Variants in FGF13 observed in about 807,000 individuals in gnomAD.
FGF13 encodes fibroblast growth factor homologous factor 2.
A neutral mutation model predicts 19.5 loss-of-function variants in FGF13; 2 were observed. The ratio of observed to expected loss-of-function variants is 0.10; its 90% CI spans 0.04 to 0.32. The LOEUF is 0.32. FGF13 is among the 10% of genes least tolerant of loss of function. FGF13 has a pLI of 1.00. For missense variants in FGF13, 113 were observed against 192.7 expected, an observed-to-expected ratio of 0.59 and a Z score of 2.45; for synonymous variants, 72 against 76.9, an observed-to-expected ratio of 0.94 and a Z score of 0.33.
At chrX:138,962,203 T>C (rs1305048415) in intron 1 of FGF13, among the ~76,000 whole-genome samples, 1 of 112,286 alleles carries the variant, frequency 8.9e-6, no homozygotes, top group African/African-American at 3.2e-5. Flanking sequence ...CAGACTCTTC[T>C]CAAAAGAAGA....
intron 1 of FGF13, among the ~76,000 whole-genome samples, chrX:138,919,416 C>T (rs2091633651): frequency 3.6e-5 from 4 of 111,698 alleles, no homozygotes. Flanking sequence ...AATAGTTTGG[C>T]AGTGCCTTTC....
At chrX:138,940,246 T>C (rs2091751327) in intron 1 of FGF13, among the ~76,000 whole-genome samples, 1 of 111,905 alleles carries the variant, frequency 8.9e-6, no homozygotes, top group Non-Finnish European at 1.9e-5. Context: ...TTCAAAACTG[T>C]TCATGTCCTC....
At chrX:138,890,585 T>C (rs6654173) in intron 1 of FGF13, among the ~76,000 whole-genome samples, 9,839 of 111,758 alleles carry the variant, frequency 0.088, 1,091 homozygotes, top group African/African-American at 0.3. Context: ...TTATTATTCT[T>C]ATTTTACTGA....
At chrX:139,155,869 T>G (rs1431210269) in intron 1 of FGF13, among the ~76,000 whole-genome samples, 1 of 112,081 alleles carries the variant, frequency 8.9e-6, no homozygotes, top group Admixed American at 9.4e-5. Context: ...GAACTTGTCC[T>G]CCCCACTCTT....
intron 1 of FGF13, among the ~76,000 whole-genome samples, chrX:138,729,447 T>G (rs1055186238): frequency 1.3e-4 from 14 of 110,364 alleles, no homozygotes; most frequent in Non-Finnish European, 1.9e-4. Context: ...TTGGATACAT[T>G]TGAAAACAAA....
intron 3 of FGF13, among the ~76,000 whole-genome samples, chrX:138,771,766 C>T (rs1199164524): frequency 9.1e-6 from 1 of 109,741 alleles, no homozygotes; most frequent in Non-Finnish European, 1.9e-5. Context: ...GGAGGAAACT[C>T]AGTTTAGAAG....
At chrX:138,687,576 T>C (rs1387154487) in intron 3 of FGF13, among the ~76,000 whole-genome samples, 2 of 112,143 alleles carry the variant, frequency 1.8e-5, no homozygotes, top group Non-Finnish European at 3.8e-5. Context: ...ACAGCTATTA[T>C]GGAAGACAGT....
chrX:138,798,534 GT>G (rs2090798321), intron 3 of FGF13, among the ~76,000 whole-genome samples: 1 of 111,207 alleles, frequency 9.0e-6, no homozygotes, highest in African/African-American at 3.3e-5. Context: ...TTCTTTTTCT[GT>G]TGTGTCTCTG....
chrX:138,621,954 A>G lies in FGF13; in HGVS notation c.*10896T>C, dbSNP rs2089018909. On this transcript the variant is annotated 3_prime_UTR_variant, in exon 5 of 5. Coordinates refer to ENST00000315930, the MANE Select transcript of FGF13 (RefSeq NM_004114.5). ...GAATATTGAATCAGCAATTTTTTAA[A>G]AAAGAACTTCCCAACAAAGTAAAGC... 1 of 111,232 alleles carries G rather than the reference A, an allele frequency of 9.0e-6. No homozygotes were observed. Among genetic ancestry groups the G allele is most frequent in the Admixed American group, 9.6e-5 (1 of 10,420 alleles). The allele number at this position is 111,232 out of a possible 1,213,427, so 9.2% of individuals were successfully genotyped here. A position where few individuals can be genotyped will look rare whatever the true frequency, so the allele number is the denominator to read the frequency against.
At chrX:138,760,366 C>T (rs2090458906) in intron 3 of FGF13, among the ~76,000 whole-genome samples, 1 of 111,348 alleles carries the variant, frequency 9.0e-6, no homozygotes, top group Non-Finnish European at 1.9e-5. Context: ...GCTTAAAAAG[C>T]AGTTTCTTTC....
At chrX:139,148,412 T>C (rs1041463874) in intron 1 of FGF13, among the ~76,000 whole-genome samples, 3 of 110,636 alleles carry the variant, frequency 2.7e-5, no homozygotes, top group Admixed American at 9.7e-5. Context: ...GTGATGAGTA[T>C]AGAATATCCC....
intron 3 of FGF13, among the ~76,000 whole-genome samples, chrX:138,824,261 T>C (rs1293087873): frequency 8.9e-6 from 1 of 112,113 alleles, no homozygotes; most frequent in Non-Finnish European, 1.9e-5. Flanking sequence ...CCCTGGACTT[T>C]CATCTGCAAA....
At chrX:138,721,619 ACTT>A (rs2090148206) in intron 1 of FGF13, among the ~76,000 whole-genome samples, 2 of 110,249 alleles carry the variant, frequency 1.8e-5, no homozygotes, top group Admixed American at 1.9e-4. Flanking sequence ...ATGATTCCTT[ACTT>A]CTCTTTCCTA....
chrX:138,961,108 T>TC, intron 1 of FGF13, among the ~76,000 whole-genome samples: 1 of 111,547 alleles, frequency 9.0e-6, no homozygotes, highest in East Asian at 2.8e-4. Flanking sequence ...TTTAGAATTT[T>TC]CAGCTTTTCT....
At chrX:138,788,827 A>C (rs1211737122) in intron 3 of FGF13, among the ~76,000 whole-genome samples, 7 of 111,778 alleles carry the variant, frequency 6.3e-5, no homozygotes, top group Non-Finnish European at 9.4e-5. Flanking sequence ...AAATTTCCAA[A>C]TCTTTAAGTT....
intron 1 of FGF13, among the ~76,000 whole-genome samples, chrX:138,891,477 G>A (rs1471489502): frequency 9.0e-6 from 1 of 110,684 alleles, no homozygotes; most frequent in Non-Finnish European, 1.9e-5. Context: ...CATCACTGGG[G>A]CTCACCCCTC....
At chrX:139,183,830 G>A (rs2084259034) in intron 1 of FGF13, among the ~76,000 whole-genome samples, 1 of 111,791 alleles carries the variant, frequency 8.9e-6, no homozygotes, top group African/African-American at 3.3e-5. Flanking sequence ...GTAATCCACA[G>A]CAAATACTGA....
In FGF13 at chrX:138,630,973, G is replaced by A. The variant is rs2089109847; in HGVS notation, c.*1877C>T. The A allele has an allele frequency of 8.9e-6, 1 of 111,903 alleles. No individual in the cohort carries two copies. Among genetic ancestry groups the A allele is most frequent in the African/African-American group, 3.2e-5 (1 of 30,776 alleles). The allele number at this position is 111,903 out of a possible 1,213,427, so 9.2% of individuals were successfully genotyped here. ...AATTAAAAAGTGTTGAATAGCTCAT[G>A]TCATTTATTGAATAGTGTACTGGAA... On this transcript the variant is annotated 3_prime_UTR_variant, in exon 5 of 5. Transcript: ENST00000315930.
At chrX:138,693,701 G>A (rs1266505801) in intron 3 of FGF13, among the ~76,000 whole-genome samples, 3 of 111,661 alleles carry the variant, frequency 2.7e-5, no homozygotes, top group Admixed American at 9.5e-5. Context: ...TCAACAATTT[G>A]TTAATTAACT....
Sources: allele counts gnomAD v4.1 joint callset (sites outside exome capture counted in the v4.1 genomes callset), GRCh38; gene constraint gnomAD v4.1.1; transcripts MANE v1.5; gene names NCBI Gene and HGNC (gene_info 2026-07-23, HGNC 2026-07-21).